The following CCDC83 variants were observed in gnomAD, a reference collection of about 807,000 sequenced individuals.
CCDC83 encodes the protein coiled-coil domain-containing protein 83.
A neutral mutation model predicts 50.1 loss-of-function variants in CCDC83; 54 were observed. The ratio of observed to expected loss-of-function variants is 1.08; its 90% CI spans 0.87 to 1.35. The LOEUF is 1.35. Ranked by LOEUF, CCDC83 falls within the 40% of genes most tolerant of loss-of-function variation. The probability of loss-of-function intolerance (pLI) is 0.00; values close to 1 mark genes in which losing one functional copy is unlikely to be tolerated. For missense variants in CCDC83, 518 were observed against 473.9 expected, an observed-to-expected ratio of 1.09 and a Z score of -0.86; for synonymous variants, 161 against 153.3, an observed-to-expected ratio of 1.05 and a Z score of -0.37.
At position 85,919,433 on chromosome 11, in the gene CCDC83, A is replaced by G. The variant is rs1195379880; in HGVS notation, c.1165A>G (p.Ile389Val). The G allele has an allele frequency of 1.2e-6, 2 of 1,613,444 alleles. No homozygotes were observed. ...GCCCATTCATTTTCAAGAGAAGGAAATTCCAGTCAAACTCTATAAAGATGT... is the reference window on the plus strand; with the variant it reads ...GCCCATTCATTTTCAAGAGAAGGAAGTTCCAGTCAAACTCTATAAAGATGT... ...KMPIHFQEKE[I>V]PVKLYKDVRS... The change falls in exon 11 of 11, where the codon ATT (isoleucine) becomes GTT (valine). Residue 389 changes from isoleucine (I) to valine (V), a missense_variant. Ile to Val is a conservative substitution (Grantham distance 29). Coordinates refer to ENST00000342404, the MANE Select transcript of CCDC83 (RefSeq NM_001286159.2).
In CCDC83 at chr11:85,916,246, A is replaced by G; in HGVS notation, c.1080+13A>G. The G allele has an allele frequency of 3.2e-6, 5 of 1,554,926 alleles. No individual in the cohort carries two copies. Among genetic ancestry groups the G allele is most frequent in the Non-Finnish European group, 4.4e-6 (5 of 1,134,198 alleles). On this transcript the variant is annotated intron_variant, in intron 10 of 10. Transcript: ENST00000342404. Reference sequence around the variant, plus strand: ...GAAGGATTTCAAGGTAAGATTCATAACAACACAACTTTGACTACTAAGAAA... The same window carrying G: ...GAAGGATTTCAAGGTAAGATTCATAGCAACACAACTTTGACTACTAAGAAA...
intron 7 of CCDC83, among the ~76,000 whole-genome samples, chr11:85,901,992 T>C (rs2093404615): frequency 6.6e-6 from 1 of 151,626 alleles, no homozygotes; most frequent in Non-Finnish European, 1.5e-5. Flanking sequence ...GATCGCACCA[T>C]TGCACTCCTG....
chr11:85,882,787 G>T (rs1445375046), intron 4 of CCDC83, 112 bp downstream of exon 4: 1 of 986,472 alleles, frequency 1.0e-6, no homozygotes, highest in East Asian at 2.6e-5. Flanking sequence ...TATTTTAAAC[G>T]GCATCATTAC....
In CCDC83 at chr11:85,855,496, C is replaced by T. The variant is rs2093134109; in HGVS notation, c.-117C>T. ...GGAGGGCAGGCCTTTTTAATCTGATCAGAATGTTAACCCATCTCTCCGCCT... is the reference window on the plus strand; with the variant it reads ...GGAGGGCAGGCCTTTTTAATCTGATTAGAATGTTAACCCATCTCTCCGCCT... On this transcript the variant is annotated 5_prime_UTR_variant, in exon 1 of 11. Coordinates refer to ENST00000342404, the MANE Select transcript of CCDC83 (RefSeq NM_001286159.2). 1 of 152,268 alleles carries T rather than the reference C, an allele frequency of 6.6e-6. No homozygotes were observed. The highest frequency in any genetic ancestry group is 1.5e-5 in the Non-Finnish European group (1 of 68,068). 9.4% of individuals were successfully genotyped at this position (152,268 alleles called of 1,614,324 possible). A position where few individuals can be genotyped will look rare whatever the true frequency, so the allele number is the denominator to read the frequency against.
chr11:85,865,079 G>T lies in CCDC83; in HGVS notation c.-28-17G>T. Reference sequence around the variant, plus strand: ...AAGATGGAATTTTTCACTTTCGTATGTCTCCTTTCTAAACAGGTATATTTC... The same window carrying T: ...AAGATGGAATTTTTCACTTTCGTATTTCTCCTTTCTAAACAGGTATATTTC... On this transcript the variant is annotated splice_polypyrimidine_tract_variant and intron_variant, in intron 1 of 10. Transcript: ENST00000342404. 7.7e-7 allele frequency: 1 copy of T among 1,299,740 alleles called. No homozygotes were observed. Among genetic ancestry groups the T allele is most frequent in the East Asian group, 2.3e-5 (1 of 43,372 alleles). 80.5% of individuals were successfully genotyped at this position (1,299,740 alleles called of 1,614,324 possible). A position where few individuals can be genotyped will look rare whatever the true frequency, so the allele number is the denominator to read the frequency against.
rs1239908972 is a variant in CCDC83 at position 85,917,161 on chromosome 11, AG to A, written c.1080+929del. On this transcript the variant is annotated intron_variant, in intron 10 of 10. Coordinates refer to ENST00000342404, the MANE Select transcript of CCDC83 (RefSeq NM_001286159.2). ...GAGAGAGAGAGAGAGAGAGAGAGAG[AG>A]AGAGAGAAAGAAAGAAAGAAAGAAA... Among the ~76,000 whole-genome samples, 547 of 104,002 alleles carry A rather than the reference AG, an allele frequency of 5.3e-3. 3 individuals carry two copies. Among genetic ancestry groups the A allele is most frequent in the East Asian group, 0.039 (154 of 3,986 alleles). 68.2% of individuals were successfully genotyped at this position (104,002 alleles called of 152,430 possible). A position where few individuals can be genotyped will look rare whatever the true frequency, so the allele number is the denominator to read the frequency against.
At chr11:85,868,928 T>C (rs990225131) in intron 2 of CCDC83, among the ~76,000 whole-genome samples, 1 of 152,264 alleles carries the variant, frequency 6.6e-6, no homozygotes, top group African/African-American at 2.4e-5. Context: ...TTGAAGACTA[T>C]TCTTTACTCA....
rs2093251423 is a variant in CCDC83, at chr11:85,873,436, G to A, written c.180+141G>A. ...ATTGATTGATTTACAATCTATTTAA[G>A]TTTCTTTATACATGTGAGGCAGAAG... On this transcript the variant is annotated intron_variant, in intron 3 of 10. Coordinates refer to ENST00000342404, the MANE Select transcript of CCDC83 (RefSeq NM_001286159.2). 6.8e-6 allele frequency: 3 copies of A among 441,318 alleles called. No homozygotes were observed. The South Asian group carries it at 1.6e-4, about 24-fold the overall frequency. The allele number at this position is 441,318 out of a possible 1,614,324, so 27.3% of individuals were successfully genotyped here.
At chr11:85,901,092 C>G (rs2135101316) in intron 7 of CCDC83, among the ~76,000 whole-genome samples, 1 of 150,196 alleles carries the variant, frequency 6.7e-6, no homozygotes, top group Admixed American at 6.6e-5. Flanking sequence ...TCTGGCCAGA[C>G]ACATTGGCTC....
intron 8 of CCDC83, among the ~76,000 whole-genome samples, chr11:85,914,366 A>G (rs1381764445): frequency 1.3e-5 from 2 of 152,210 alleles, no homozygotes; most frequent in African/African-American, 2.4e-5. Flanking sequence ...TCAAAGCATG[A>G]TATTTTCTGA....
chr11:85,857,395 G>A (rs1203615510), intron 1 of CCDC83, among the ~76,000 whole-genome samples: 5 of 152,198 alleles, frequency 3.3e-5, no homozygotes, highest in East Asian at 1.9e-4. Context: ...CTGGAAGGGC[G>A]AAACAGAGGA....
At chr11:85,863,086 G>A (rs766960203) in intron 1 of CCDC83, among the ~76,000 whole-genome samples, 10 of 152,124 alleles carry the variant, frequency 6.6e-5, no homozygotes, top group Non-Finnish European at 1.5e-5. Flanking sequence ...AGCACCAGAT[G>A]GGTACCACAG....
At chr11:85,895,487 T>C in intron 6 of CCDC83, 103 bp downstream of exon 6, 2 of 646,890 alleles carry the variant, frequency 3.1e-6, no homozygotes, top group South Asian at 2.1e-5. Flanking sequence ...GATTCTCAGA[T>C]TTGGGATGCT....
intron 8 of CCDC83, among the ~76,000 whole-genome samples, chr11:85,912,335 A>G (rs1285146169): frequency 6.6e-6 from 1 of 152,206 alleles, no homozygotes; most frequent in Non-Finnish European, 1.5e-5. Context: ...AAAGGTGGAT[A>G]CAGGTAAATT....
intron 5 of CCDC83, among the ~76,000 whole-genome samples, chr11:85,889,890 T>C (rs2093343923): frequency 6.6e-6 from 1 of 152,180 alleles, no homozygotes; most frequent in African/African-American, 2.4e-5. Flanking sequence ...TGAGATGAGA[T>C]ACCACCACAT....
intron 2 of CCDC83, among the ~76,000 whole-genome samples, chr11:85,869,421 CAT>C (rs2093225059): frequency 1.3e-5 from 2 of 152,180 alleles, no homozygotes; most frequent in South Asian, 4.1e-4. Context: ...GATATAAAAA[CAT>C]GTGGGTATGG....
Position 85,919,617 on chromosome 11 carries a change from G to T in CCDC83, c.*107G>T. ...TACACTTTGGCTCATTTTTAAACCA[G>T]CTGTTATTTCTAAAGGTCATATTTA... On this transcript the variant is annotated 3_prime_UTR_variant, in exon 11 of 11. Coordinates refer to ENST00000342404, the MANE Select transcript of CCDC83 (RefSeq NM_001286159.2). 1.3e-6 allele frequency: 1 copy of T among 785,704 alleles called. No homozygotes were observed. The highest frequency in any genetic ancestry group is 2.1e-6 in the Non-Finnish European group (1 of 481,786). 48.7% of individuals were successfully genotyped at this position (785,704 alleles called of 1,614,324 possible).
In CCDC83 at chr11:85,918,641, T is replaced by C. The variant is rs148082856; in HGVS notation, c.1081-708T>C. On this transcript the variant is annotated intron_variant, in intron 10 of 10. Coordinates refer to ENST00000342404, the MANE Select transcript of CCDC83 (RefSeq NM_001286159.2). ...AATTTAGAAGTTGATTTTGCCAATG[T>C]TAAGGACAGTACCTGGGAGAAAAAA... Among the ~76,000 whole-genome samples, 633 of 152,280 alleles carry C rather than the reference T, an allele frequency of 4.2e-3. 4 individuals carry two copies. Among genetic ancestry groups the C allele is most frequent in the South Asian group, 0.013 (62 of 4,824 alleles).
intron 10 of CCDC83, among the ~76,000 whole-genome samples, chr11:85,917,168 GAAAGAAAGAAAGAAAGAAAGAA>G (rs1259653859): frequency 1.1e-4 from 8 of 69,592 alleles, no homozygotes; most frequent in African/African-American, 4.5e-4. Flanking sequence ...GAGAGAGAGA[GAAAGAAAGAAAGAAAGAAAGAA>G]AGAGAAAGAA....
Sources: gnomAD v4.1 joint callset for allele counts (sites outside exome capture counted in the v4.1 genomes callset) on GRCh38, gnomAD v4.1.1 for gene constraint, MANE v1.5 for transcripts, NCBI Gene and HGNC (gene_info 2026-07-23, HGNC 2026-07-21) for gene names.